Variants in SOX6 observed in about 807,000 individuals in gnomAD.
SOX6 encodes transcription factor SOX-6.
A neutral mutation model predicts 97.8 loss-of-function variants in SOX6; 11 were observed. That is an observed-to-expected ratio of 0.11 (90% confidence interval 0.07 to 0.19). The LOEUF is 0.19. Ranked by LOEUF, SOX6 falls within the 10% of genes least tolerant of loss-of-function variation. The probability of loss-of-function intolerance (pLI) is 1.00; values close to 1 mark genes in which losing one functional copy is unlikely to be tolerated. For synonymous variants in SOX6, 360 were observed against 371.4 expected (o/e 0.97, Z 0.35); for missense variants, 810 against 1,039.5 (o/e 0.78, Z 3.04).
intron 4 of SOX6, among the ~76,000 whole-genome samples, chr11:16,481,829 C>A (rs934072072): frequency 2.0e-5 from 3 of 151,988 alleles, no homozygotes; most frequent in Non-Finnish European, 4.4e-5. Flanking sequence ...TTACATTTAT[C>A]AATACTTACT....
intron 3 of SOX6, among the ~76,000 whole-genome samples, chr11:16,693,326 T>C (rs916728131): frequency 6.6e-6 from 1 of 152,144 alleles, no homozygotes; most frequent in Non-Finnish European, 1.5e-5. Context: ...TCTTTGGTGG[T>C]GATTTGATTT....
chr11:16,509,252 AAG>A (rs1384519018), intron 4 of SOX6, among the ~76,000 whole-genome samples: 1 of 151,932 alleles, frequency 6.6e-6, no homozygotes, highest in Non-Finnish European at 1.5e-5. Context: ...AATTTCAGAG[AAG>A]TCCTCACAGA....
chr11:16,640,874 T>C (rs1490467783), intron 3 of SOX6, among the ~76,000 whole-genome samples: 1 of 152,222 alleles, frequency 6.6e-6, no homozygotes, highest in Non-Finnish European at 1.5e-5. Context: ...CCTGGATTCA[T>C]TGATTTTTTA....
chr11:16,420,279 T>C (rs533070287), intron 1 of SOX6, among the ~76,000 whole-genome samples: 1 of 152,330 alleles, frequency 6.6e-6, no homozygotes, highest in African/African-American at 2.4e-5. Flanking sequence ...TTATTCTTCT[T>C]GTCTAATTCT....
chr11:16,190,097 T>C (rs933514237), intron 4 of SOX6, among the ~76,000 whole-genome samples: 1 of 152,206 alleles, frequency 6.6e-6, no homozygotes, highest in African/African-American at 2.4e-5. Flanking sequence ...TATAAATGCA[T>C]TGGTGCTTCC....
intron 3 of SOX6, among the ~76,000 whole-genome samples, chr11:16,653,935 A>G (rs1847688515): frequency 6.6e-6 from 1 of 151,830 alleles, no homozygotes; most frequent in Admixed American, 6.6e-5. Flanking sequence ...ATAAAAACAC[A>G]AAATATGAAT....
chr11:16,624,263 C>G (rs1848591579), intron 3 of SOX6, among the ~76,000 whole-genome samples: 1 of 151,804 alleles, frequency 6.6e-6, no homozygotes, highest in Non-Finnish European at 1.5e-5. Context: ...TCTCAACTCA[C>G]TGCAATCTCT....
chr11:16,211,156 G>A (rs764152658), intron 4 of SOX6, among the ~76,000 whole-genome samples: 2 of 152,054 alleles, frequency 1.3e-5, no homozygotes, highest in Non-Finnish European at 2.9e-5. Flanking sequence ...AATTAAAGAG[G>A]TAAAAGGGAA....
chr11:16,234,017 A>AAAAAG (rs1397040954), intron 4 of SOX6, among the ~76,000 whole-genome samples: 3 of 151,504 alleles, frequency 2.0e-5, no homozygotes, highest in South Asian at 4.1e-4. Flanking sequence ...AAAAAAAAAA[A>AAAAAG]AAAAGAAAAG....
chr11:16,046,753 A>G, intron 11 of SOX6, 52 bp from the exon 12 acceptor site: 1 of 1,554,714 alleles, frequency 6.4e-7, no homozygotes, highest in Non-Finnish European at 8.8e-7. Context: ...ACTCCTAAAA[A>G]GTACTACTAC....
chr11:16,015,261 A>G (rs537263564), intron 12 of SOX6: 1 of 583,334 alleles, frequency 1.7e-6, no homozygotes, highest in African/African-American at 1.9e-5. Flanking sequence ...ACCTGTAGGG[A>G]AAGGAAAGCT....
At chr11:16,609,180 A>G (rs546373538) in intron 4 of SOX6, among the ~76,000 whole-genome samples, 1 of 152,356 alleles carries the variant, frequency 6.6e-6, no homozygotes, top group South Asian at 2.1e-4. Context: ...AAGATAGATG[A>G]GAAAACTAGC....
At chr11:15,995,142 A>G (rs941395730) in intron 13 of SOX6, among the ~76,000 whole-genome samples, 2 of 152,202 alleles carry the variant, frequency 1.3e-5, no homozygotes, top group African/African-American at 4.8e-5. Flanking sequence ...CATGAAAAAC[A>G]GAGCTGTGTA....
At chr11:16,435,284 A>G (rs1220714851) in intron 1 of SOX6, among the ~76,000 whole-genome samples, 1 of 152,204 alleles carries the variant, frequency 6.6e-6, no homozygotes, top group African/African-American at 2.4e-5. Flanking sequence ...TAAAAACTGA[A>G]AAGTTAGCCT....
chr11:16,704,551 T>A (rs2134043353), intron 3 of SOX6, among the ~76,000 whole-genome samples: 1 of 152,296 alleles, frequency 6.6e-6, no homozygotes, highest in East Asian at 1.9e-4. Context: ...GAAAACAGGC[T>A]CTTAGCATAG....
At chr11:16,519,089 G>A (rs1861016951) in intron 4 of SOX6, among the ~76,000 whole-genome samples, 1 of 152,088 alleles carries the variant, frequency 6.6e-6, no homozygotes, top group African/African-American at 2.4e-5. Flanking sequence ...ACATGTCCCA[G>A]TAAGAAAGAG....
intron 6 of SOX6, among the ~76,000 whole-genome samples, chr11:16,146,689 A>G (rs887366377): frequency 6.6e-6 from 1 of 152,184 alleles, no homozygotes; most frequent in Admixed American, 6.5e-5. Context: ...AAAAGTGGGC[A>G]AAGGATATGA....
At chr11:16,062,263 T>A (rs1360689313) in intron 9 of SOX6, among the ~76,000 whole-genome samples, 1 of 151,624 alleles carries the variant, frequency 6.6e-6, no homozygotes, top group African/African-American at 2.4e-5. Flanking sequence ...ATTAACAGTC[T>A]AGTTAATAAC....
chr11:16,186,862 T>A lies in SOX6; in HGVS notation c.629A>T (p.Asp210Val). 1 of 1,613,846 alleles carries A rather than the reference T, an allele frequency of 6.2e-7. No individual in the cohort carries two copies. The highest frequency in any genetic ancestry group is 8.5e-7 in the Non-Finnish European group (1 of 1,179,856). The change falls in exon 5 of 16, where the codon GAT becomes GTT. Residue 210 changes from aspartate to valine, a missense_variant. By Grantham distance (152) the Asp-to-Val change is radical (BLOSUM62 -3). This residue lies in a region of SOX6 where 110 missense variants were observed against 119.0 expected (regional missense o/e 0.92). Coordinates refer to ENST00000683767, the MANE Select transcript of SOX6 (RefSeq NM_001367873.1). Reference sequence around the variant, plus strand: ...TGACGCTGCCAGTTTTTTCTGTTCATCATGCGCTGCCAGTAGCTGCTCCCG... The same window carrying A: ...TGACGCTGCCAGTTTTTTCTGTTCAACATGCGCTGCCAGTAGCTGCTCCCG... The part of the protein sequence containing the change: ...SLREQLLAAH[D>V]EQKKLAASQI...
Sources: gnomAD v4.1 joint callset for allele counts (sites outside exome capture counted in the v4.1 genomes callset) on GRCh38, gnomAD v4.1.1 for gene constraint, gnomAD v4.1.1 regional missense constraint, MANE v1.5 for transcripts, NCBI Gene and HGNC (gene_info 2026-07-23, HGNC 2026-07-21) for gene names.